GRB14: variants seen among roughly 807,000 people sequenced by gnomAD.
GRB14 encodes the protein growth factor receptor-bound protein 14.
Under a neutral mutation model 69.1 loss-of-function variants are expected in GRB14, and 38 were observed. The observed-to-expected ratio is 0.55, with a 90% CI of 0.42 to 0.72. GRB14 has a LOEUF of 0.72. Ranked by LOEUF, GRB14 falls within the 30% of genes least tolerant of loss-of-function variation. GRB14 has a pLI of 0.00. For missense variants in GRB14, 666 were observed against 666.1 expected (o/e 1.00, Z 0.00); for synonymous variants, 247 against 241.3 (o/e 1.02, Z -0.22).
chr2:164,512,368 T>A (rs958232865), intron 6 of GRB14, among the ~76,000 whole-genome samples: 1 of 152,142 alleles, frequency 6.6e-6, no homozygotes, highest in Non-Finnish European at 1.5e-5. Flanking sequence ...GGATTCACCA[T>A]GTTGGCCAGG....
At chr2:164,597,814 G>A (rs1055096398) in intron 2 of GRB14, among the ~76,000 whole-genome samples, 7 of 151,836 alleles carry the variant, frequency 4.6e-5, no homozygotes, top group Non-Finnish European at 1.0e-4. Flanking sequence ...CAGGAACATA[G>A]GGAAAAATGG....
intron 3 of GRB14, among the ~76,000 whole-genome samples, chr2:164,544,608 C>G (rs751814136): frequency 6.6e-6 from 1 of 152,108 alleles, no homozygotes; most frequent in African/African-American, 2.4e-5. Flanking sequence ...ATATGTTGAG[C>G]CTCTTCTGTC....
At chr2:164,605,198 C>G (rs1690014818) in intron 2 of GRB14, among the ~76,000 whole-genome samples, 1 of 151,998 alleles carries the variant, frequency 6.6e-6, no homozygotes, top group Non-Finnish European at 1.5e-5. Context: ...GTGGATAAAT[C>G]CAAGAGTTGT....
rs760108339 is a variant in GRB14, at chr2:164,522,057, C to T, written c.739G>A (p.Gly247Arg). The change falls in exon 6 of 14, where the codon GGA becomes AGA. Residue 247 changes from glycine to arginine, a missense_variant. By Grantham distance (125) the Gly-to-Arg change is moderately radical. Coordinates refer to ENST00000263915, the MANE Select transcript of GRB14 (RefSeq NM_004490.3). ...TAAATTTTTTTCCAAGACTTCTTTC[C>T]CTGTTCTTTCGCATGTAAGAAACCA... ...IHGFLHAKEQ[G>R]KKSWKKIYFF... 117 of 1,602,782 alleles carry T rather than the reference C, an allele frequency of 7.3e-5. No homozygotes were observed. The highest frequency in any genetic ancestry group is 9.8e-5 in the Non-Finnish European group (115 of 1,171,446).
At chr2:164,504,825 C>G (rs1225588969) in intron 8 of GRB14, among the ~76,000 whole-genome samples, 1 of 152,072 alleles carries the variant, frequency 6.6e-6, no homozygotes, top group Non-Finnish European at 1.5e-5. Flanking sequence ...GGTGATGGTC[C>G]TGGATTATCC....
rs550300116 is a variant in GRB14, at chr2:164,494,983, G to A, written c.1383-459C>T. 1.3e-4 allele frequency among the ~76,000 whole-genome samples: 19 copies of A among 151,792 alleles called. No individual in the cohort carries two copies. In the South Asian group the frequency reaches 3.7e-3, roughly 30 times the overall value. On this transcript the variant is annotated intron_variant, in intron 12 of 13. Coordinates refer to ENST00000263915, the MANE Select transcript of GRB14 (RefSeq NM_004490.3). ...TTTTTTTCTTTTGAAACAGGGTCTC[G>A]CTCTGTCACCCAGGCTGGAGTGCTC...
chr2:164,617,950 T>TA (rs1336846109), intron 2 of GRB14, among the ~76,000 whole-genome samples: 1 of 28,662 alleles, frequency 3.5e-5, no homozygotes, highest in African/African-American at 1.0e-4. Context: ...CAAGCCAGAA[T>TA]CTTTTTTTTG....
chr2:164,601,615 C>A (rs1475750710), intron 2 of GRB14, among the ~76,000 whole-genome samples: 1 of 152,054 alleles, frequency 6.6e-6, no homozygotes, highest in Non-Finnish European at 1.5e-5. Context: ...TGTGTTTTTC[C>A]ATCTGCAAAA....
chr2:164,617,646 T>A (rs1410698316), intron 2 of GRB14, among the ~76,000 whole-genome samples: 4 of 152,112 alleles, frequency 2.6e-5, no homozygotes, highest in African/African-American at 9.7e-5. Context: ...AACAAATCTC[T>A]CAGACACAGG....
chr2:164,493,350 C>T (rs990281196), intron 13 of GRB14, among the ~76,000 whole-genome samples, 168 bp from the exon 14 acceptor site: 2 of 152,002 alleles, frequency 1.3e-5, no homozygotes, highest in Admixed American at 1.3e-4. Flanking sequence ...ACATCACTTG[C>T]ATTTAAAAGA....
chr2:164,558,463 A>G (rs949412156), intron 2 of GRB14, among the ~76,000 whole-genome samples: 1 of 152,192 alleles, frequency 6.6e-6, no homozygotes, highest in African/African-American at 2.4e-5. Context: ...ACCTAAATCC[A>G]ATATGAATAA....
intron 2 of GRB14, among the ~76,000 whole-genome samples, chr2:164,575,793 C>G (rs996362975): frequency 6.6e-6 from 1 of 151,994 alleles, no homozygotes; most frequent in Admixed American, 6.6e-5. Context: ...GAAATATAAA[C>G]TTTTCTAATA....
intron 2 of GRB14, among the ~76,000 whole-genome samples, chr2:164,602,400 A>T (rs780506836): frequency 3.3e-5 from 5 of 152,204 alleles, no homozygotes; most frequent in Non-Finnish European, 7.3e-5. Flanking sequence ...GACATGCTGG[A>T]ATAATAGGTC....
chr2:164,613,806 A>T (rs1201007611), intron 2 of GRB14, among the ~76,000 whole-genome samples: 1 of 152,176 alleles, frequency 6.6e-6, no homozygotes, highest in African/African-American at 2.4e-5. Flanking sequence ...AACAATCAAT[A>T]CCTGGCTAAA....
intron 2 of GRB14, among the ~76,000 whole-genome samples, chr2:164,580,092 A>T (rs1441793071): frequency 1.3e-5 from 1 of 77,328 alleles, no homozygotes; most frequent in Non-Finnish European, 2.3e-5. Context: ...GCATTCTATG[A>T]TACATTTTTT....
chr2:164,545,325 A>G (rs1041378429), intron 3 of GRB14, among the ~76,000 whole-genome samples: 3 of 152,174 alleles, frequency 2.0e-5, no homozygotes, highest in Non-Finnish European at 4.4e-5. Flanking sequence ...TGGAAAAAAA[A>G]TTTTGCAGAC....
chr2:164,615,421 G>A (rs577330828), intron 2 of GRB14, among the ~76,000 whole-genome samples: 6 of 152,164 alleles, frequency 3.9e-5, no homozygotes, highest in South Asian at 2.1e-4. Context: ...AACAAATGGC[G>A]TTTGTCTCCC....
At chr2:164,524,400 A>G (rs1687715885) in intron 5 of GRB14, among the ~76,000 whole-genome samples, 2 of 152,128 alleles carry the variant, frequency 1.3e-5, no homozygotes, top group African/African-American at 2.4e-5. Flanking sequence ...AACCATTTCA[A>G]GCCACTGCCA....
intron 2 of GRB14, among the ~76,000 whole-genome samples, chr2:164,561,599 G>A (rs550184280): frequency 4.7e-4 from 72 of 152,150 alleles, no homozygotes; most frequent in Non-Finnish European, 8.1e-4. Flanking sequence ...TAGCTATGCA[G>A]TACATGTGCC....
Sources: allele counts gnomAD v4.1 joint callset (sites outside exome capture counted in the v4.1 genomes callset), GRCh38; gene constraint gnomAD v4.1.1; transcripts MANE v1.5; gene names NCBI Gene and HGNC (gene_info 2026-07-23, HGNC 2026-07-21).